The following CDK8 variants were observed in gnomAD, a reference collection of about 807,000 sequenced individuals.
CDK8 encodes cyclin dependent kinase 8.
A neutral mutation model predicts 71.5 loss-of-function variants in CDK8; 29 were observed. The observed-to-expected ratio is 0.41, with a 90% confidence interval of 0.30 to 0.55. The LOEUF (loss-of-function observed/expected upper bound fraction) is 0.55. Ranked by LOEUF, CDK8 falls within the 20% of genes least tolerant of loss-of-function variation. The pLI is 0.37. For missense variants in CDK8, 288 were observed against 572.6 expected, an observed-to-expected ratio of 0.50 and a Z score of 5.07; for synonymous variants, 161 against 192.1, an observed-to-expected ratio of 0.84 and a Z score of 1.34.
chr13:26,404,221 C>G lies in CDK8; in HGVS notation c.*140C>G, dbSNP rs1229453831. 2 of 970,568 alleles carry G rather than the reference C, an allele frequency of 2.1e-6. No homozygotes were observed. Among genetic ancestry groups the G allele is most frequent in the Non-Finnish European group, 3.0e-6 (2 of 671,128 alleles). The allele number at this position is 970,568 out of a possible 1,614,324, so 60.1% of individuals were successfully genotyped here. A position where few individuals can be genotyped will look rare whatever the true frequency, so the allele number is the denominator to read the frequency against. On this transcript the variant is annotated 3_prime_UTR_variant, in exon 13 of 13. Transcript: ENST00000381527. ...AATGTCCAGTAGCCAAGTTCCACCA[C>G]TTTTCACAGATTGGGGTAGTGGCTT...
At chr13:26,321,087 A>G (rs1228118921) in intron 1 of CDK8, among the ~76,000 whole-genome samples, 1 of 152,234 alleles carries the variant, frequency 6.6e-6, no homozygotes, top group East Asian at 1.9e-4. Flanking sequence ...TCATGCAAAT[A>G]TATAAATACT....
intron 1 of CDK8, among the ~76,000 whole-genome samples, chr13:26,282,400 T>G (rs1206362812): frequency 6.6e-6 from 1 of 152,186 alleles, no homozygotes; most frequent in Non-Finnish European, 1.5e-5. Flanking sequence ...CAGAAGGGAT[T>G]TGGATCCTAT....
chr13:26,275,086 T>C (rs996395995), intron 1 of CDK8, among the ~76,000 whole-genome samples: 5 of 152,218 alleles, frequency 3.3e-5, no homozygotes, highest in African/African-American at 1.2e-4. Context: ...ATCATTACCC[T>C]ACATTCCCAA....
intron 4 of CDK8, among the ~76,000 whole-genome samples, chr13:26,380,983 G>A (rs181323424): frequency 1.3e-4 from 20 of 152,160 alleles, no homozygotes; most frequent in Admixed American, 3.9e-4. Flanking sequence ...ATAATTTTCC[G>A]TGTGGAAGGT....
At chr13:26,315,922 G>A (rs1434571132) in intron 1 of CDK8, among the ~76,000 whole-genome samples, 1 of 152,154 alleles carries the variant, frequency 6.6e-6, no homozygotes, top group Non-Finnish European at 1.5e-5. Context: ...TTGGAACCCT[G>A]GAGTCTGTTG....
chr13:26,359,826 CT>C, intron 4 of CDK8: 1 of 268,098 alleles, frequency 3.7e-6, no homozygotes, highest in South Asian at 3.1e-5. Flanking sequence ...AGTGATTCTC[CT>C]GCCTTAGCCT....
At chr13:26,385,114 A>AT in intron 5 of CDK8, 97 bp from the exon 6 acceptor site, 1 of 1,032,184 alleles carries the variant, frequency 9.7e-7, no homozygotes, top group Admixed American at 2.6e-5. Flanking sequence ...AATTGAGCAC[A>AT]TTTTTCATCT....
intron 4 of CDK8, among the ~76,000 whole-genome samples, chr13:26,368,242 C>G (rs1240439833): frequency 6.6e-6 from 1 of 152,194 alleles, no homozygotes; most frequent in African/African-American, 2.4e-5. Flanking sequence ...ATTCAGGCCA[C>G]TTGGATTACT....
intron 1 of CDK8, among the ~76,000 whole-genome samples, chr13:26,288,719 C>T (rs1347954884): frequency 6.6e-6 from 1 of 151,850 alleles, no homozygotes; most frequent in African/African-American, 2.4e-5. Flanking sequence ...CATGGTATAA[C>T]CCCCATTTAT....
At chr13:26,297,016 T>A (rs571049703) in intron 1 of CDK8, among the ~76,000 whole-genome samples, 1 of 152,302 alleles carries the variant, frequency 6.6e-6, no homozygotes, top group Non-Finnish European at 1.5e-5. Flanking sequence ...CCGTTAGTAA[T>A]GTTTCATTGG....
intron 4 of CDK8, among the ~76,000 whole-genome samples, chr13:26,358,594 A>T (rs1874000448): frequency 1.3e-5 from 2 of 152,218 alleles, no homozygotes; most frequent in Admixed American, 1.3e-4. Flanking sequence ...TTTTTAAAAA[A>T]ATTAAAAATA....
At position 26,359,707 on chromosome 13, in the gene CDK8, C is replaced by CAA. The variant is rs532224112; in HGVS notation, c.456+5828_456+5829insAA. 7.1e-4 allele frequency: 303 copies of CAA among 429,180 alleles called. 2 individuals carry two copies. The highest frequency in any genetic ancestry group is 2.1e-4 in the Non-Finnish European group (46 of 213,964). The allele number at this position is 429,180 out of a possible 1,614,324, so 26.6% of individuals were successfully genotyped here. On this transcript the variant is annotated intron_variant, in intron 4 of 12. Coordinates refer to ENST00000381527, the MANE Select transcript of CDK8 (RefSeq NM_001260.3). The stretch of plus-strand genomic sequence containing the variant: ...TTCACTAACTGCAGCTATGTGGCCT[C>CAA]ATTTTTTTCTTCTTTTCTTTTTTTT...
At chr13:26,312,750 G>T (rs191763872) in intron 1 of CDK8, among the ~76,000 whole-genome samples, 68 of 152,338 alleles carry the variant, frequency 4.5e-4, no homozygotes, top group African/African-American at 1.5e-3. Flanking sequence ...TCTAAGGTCT[G>T]CTCCTCCTTG....
intron 1 of CDK8, among the ~76,000 whole-genome samples, chr13:26,306,057 A>G (rs1874027353): frequency 6.6e-6 from 1 of 152,154 alleles, no homozygotes; most frequent in Admixed American, 6.5e-5. Flanking sequence ...CAATAAGCAC[A>G]TTTATTTGGT....
At chr13:26,317,237 A>G (rs1874551012) in intron 1 of CDK8, among the ~76,000 whole-genome samples, 1 of 152,200 alleles carries the variant, frequency 6.6e-6, no homozygotes, top group East Asian at 1.9e-4. Flanking sequence ...AGGAGATTAT[A>G]TATTAGTACA....
At position 26,254,290 on chromosome 13, in the gene CDK8, G is replaced by C. The variant is rs1290371835; in HGVS notation, c.-352G>C. The C allele has an allele frequency of 1.1e-5, 3 of 283,252 alleles. No homozygotes were observed. The highest frequency in any genetic ancestry group is 6.7e-6 in the Non-Finnish European group (1 of 148,768). The allele number at this position is 283,252 out of a possible 1,614,324, so 17.5% of individuals were successfully genotyped here. The stretch of plus-strand genomic sequence containing the variant: ...CGCCCCGCCGCTCCCGCCGCAGCAG[G>C]AGCAGAACGCGCGGCCGGAGAGAGC... On this transcript the variant is annotated 5_prime_UTR_variant, in exon 1 of 13. Coordinates refer to ENST00000381527, the MANE Select transcript of CDK8 (RefSeq NM_001260.3). This position sits in a 1 kb window ranked among gnomAD's most constrained non-coding sequence, Gnocchi z 6.7.
At chr13:26,363,120 G>T (rs1170284321) in intron 4 of CDK8, among the ~76,000 whole-genome samples, 5 of 149,004 alleles carry the variant, frequency 3.4e-5, no homozygotes, top group African/African-American at 1.2e-4. Context: ...AAGAGATCGA[G>T]ACCATCCTGG....
chr13:26,357,297 T>A (rs1873935186), intron 4 of CDK8, among the ~76,000 whole-genome samples: 1 of 152,202 alleles, frequency 6.6e-6, no homozygotes, highest in African/African-American at 2.4e-5. Context: ...TGTAAATGTA[T>A]GGGTGTTTTA....
At position 26,270,514 on chromosome 13, in the gene CDK8, C is replaced by T. The variant is rs189516217; in HGVS notation, c.128+15745C>T. On this transcript the variant is annotated intron_variant, in intron 1 of 12. Coordinates refer to ENST00000381527, the MANE Select transcript of CDK8 (RefSeq NM_001260.3). Reference sequence around the variant, plus strand: ...TATTTTTGGTCCCTCTAAAAGAAACCCCGTACCCATTAGCAATCACTCCTT... The same window carrying T: ...TATTTTTGGTCCCTCTAAAAGAAACTCCGTACCCATTAGCAATCACTCCTT... Among the ~76,000 whole-genome samples the T allele has an allele frequency of 3.3e-4, 50 of 152,222 alleles. No individual in the cohort carries two copies. In the Middle Eastern group the frequency reaches 0.01, roughly 31 times the overall value.
Sources: allele counts gnomAD v4.1 joint callset (sites outside exome capture counted in the v4.1 genomes callset), GRCh38; gene constraint gnomAD v4.1.1; non-coding constraint Gnocchi (gnomAD v3.1); transcripts MANE v1.5; gene names NCBI Gene and HGNC (gene_info 2026-07-23, HGNC 2026-07-21).